The following FOLH1 variants were observed in gnomAD, a reference collection of about 807,000 sequenced individuals.
FOLH1 encodes glutamate carboxypeptidase 2.
FOLH1 carries 54 observed loss-of-function variants against 93.9 expected under a neutral mutation model. The ratio of observed to expected loss-of-function variants is 0.57; its 90% CI spans 0.46 to 0.72. The LOEUF is 0.72. Among genes scored for constraint, FOLH1 ranks in the 30% least tolerant of loss-of-function variants. The pLI, the probability that FOLH1 is intolerant of heterozygous loss-of-function variation, is 0.00. For missense variants in FOLH1, 571 were observed against 892.5 expected (o/e 0.64, Z 4.59); for synonymous variants, 249 against 303.6 (o/e 0.82, Z 1.87).
intron 4 of FOLH1, among the ~76,000 whole-genome samples, chr11:49,187,490 C>T (rs908548817): frequency 3.3e-5 from 5 of 152,082 alleles, no homozygotes; most frequent in Non-Finnish European, 4.4e-5. Context: ...AAATTGTATA[C>T]AACTTTTATA....
intron 13 of FOLH1, among the ~76,000 whole-genome samples, chr11:49,161,815 T>A (rs572650492): frequency 6.6e-6 from 1 of 152,332 alleles, no homozygotes; most frequent in Admixed American, 6.5e-5. Context: ...TTAAGACAGG[T>A]CTGGTGGTAA....
In FOLH1 at chr11:49,208,595, A is replaced by C. The variant is rs996980815; in HGVS notation, c.-186T>G. The C allele has an allele frequency of 4.3e-6, 2 of 470,138 alleles. No homozygotes were observed. The highest frequency in any genetic ancestry group is 7.5e-6 in the Non-Finnish European group (2 of 265,718). 29.1% of individuals were successfully genotyped at this position (470,138 alleles called of 1,614,324 possible). Reference sequence around the variant, plus strand: ...TTCTCCACCACAGCAGTGTTTCTAGAGTGCACTGAACCAATCCGAGCGAGA... The same window carrying C: ...TTCTCCACCACAGCAGTGTTTCTAGCGTGCACTGAACCAATCCGAGCGAGA... On this transcript the variant is annotated 5_prime_UTR_variant, in exon 1 of 19. Coordinates refer to ENST00000256999, the MANE Select transcript of FOLH1 (RefSeq NM_004476.3).
chr11:49,205,404 C>T (rs567641242), intron 2 of FOLH1, among the ~76,000 whole-genome samples: 1 of 152,258 alleles, frequency 6.6e-6, no homozygotes, highest in South Asian at 2.1e-4. Context: ...TAAATATATG[C>T]TCTTTGACTT....
intron 13 of FOLH1, among the ~76,000 whole-genome samples, chr11:49,162,225 A>G (rs1429503922): frequency 1.3e-5 from 2 of 152,038 alleles, no homozygotes; most frequent in Non-Finnish European, 1.5e-5. Context: ...ATGTTTTCCA[A>G]GCTGGTTCCA....
intron 3 of FOLH1, among the ~76,000 whole-genome samples, chr11:49,198,286 C>A (rs1178248468): frequency 6.6e-6 from 1 of 151,986 alleles, no homozygotes; most frequent in Non-Finnish European, 1.5e-5. Context: ...TCGAGACCAT[C>A]CTGGCTAAAA....
At chr11:49,201,134 G>A (rs1178153222) in intron 2 of FOLH1, among the ~76,000 whole-genome samples, 1 of 151,718 alleles carries the variant, frequency 6.6e-6, no homozygotes, top group Non-Finnish European at 1.5e-5. Context: ...AGATTCTGGT[G>A]CTTTTGATTG....
chr11:49,199,874 G>C (rs1472822183), intron 3 of FOLH1, among the ~76,000 whole-genome samples: 2 of 151,304 alleles, frequency 1.3e-5, no homozygotes, highest in African/African-American at 4.9e-5. Context: ...TGGCACCACT[G>C]CACTCCAGCC....
intron 13 of FOLH1, among the ~76,000 whole-genome samples, chr11:49,162,040 T>C (rs1461305563): frequency 6.6e-6 from 1 of 152,212 alleles, no homozygotes; most frequent in Non-Finnish European, 1.5e-5. Flanking sequence ...GGCCTTTCCC[T>C]CTAGCTGCCT....
intron 3 of FOLH1, among the ~76,000 whole-genome samples, chr11:49,193,750 G>A (rs1227360496): frequency 1.3e-5 from 2 of 152,210 alleles, no homozygotes; most frequent in Non-Finnish European, 2.9e-5. Flanking sequence ...ATTTGGCTTT[G>A]CCTTAGATGG....
intron 6 of FOLH1, among the ~76,000 whole-genome samples, chr11:49,185,114 T>G (rs1861217142): frequency 6.6e-6 from 1 of 152,218 alleles, no homozygotes; most frequent in African/African-American, 2.4e-5. Context: ...ATGCATTTCC[T>G]GGGCCCTATA....
chr11:49,148,580 T>G, intron 18 of FOLH1, 59 bp downstream of exon 18: 1 of 1,317,888 alleles, frequency 7.6e-7, no homozygotes, highest in Non-Finnish European at 1.0e-6. Flanking sequence ...GTGAAAAAAA[T>G]AAAAATAATT....
intron 13 of FOLH1, among the ~76,000 whole-genome samples, chr11:49,161,364 C>T (rs957849371): frequency 5.3e-5 from 8 of 152,082 alleles, no homozygotes; most frequent in African/African-American, 1.9e-4. Context: ...GAATTGAATC[C>T]TTTACCGTTA....
At chr11:49,158,969 T>G (rs1162162068) in intron 13 of FOLH1, among the ~76,000 whole-genome samples, 1 of 152,206 alleles carries the variant, frequency 6.6e-6, no homozygotes, top group Admixed American at 6.5e-5. Flanking sequence ...TAGCAATTTT[T>G]GTACATTGAT....
chr11:49,163,345 A>C (rs1857944463), intron 13 of FOLH1, among the ~76,000 whole-genome samples: 1 of 151,954 alleles, frequency 6.6e-6, no homozygotes, highest in Non-Finnish European at 1.5e-5. Context: ...TCTGCTTTAT[A>C]AGGAAGTCTG....
At position 49,171,252 on chromosome 11, in the gene FOLH1, C is replaced by T. The variant is rs1391084549; in HGVS notation, c.1251G>A (p.Leu417=). 18 of 1,584,068 alleles carry T rather than the reference C, an allele frequency of 1.1e-5. 1 individual carries two copies. The African/African-American group carries it at 1.3e-4, about 11-fold the overall frequency. Residue 417 remains leucine, a synonymous_variant, in exon 11 of 19, where the codon TTG becomes TTA. Transcript: ENST00000256999. ...KEGWRPRRTI[L]FASWDAEEFG... ...ATTCTTCTGCATCCCAGCTTGCAAA[C>T]AAAATTGTTCTTCTAGGTCTCCACC...
intron 1 of FOLH1, 78 bp downstream of exon 1, chr11:49,208,214 G>A: frequency 9.3e-7 from 1 of 1,072,092 alleles, no homozygotes; most frequent in Non-Finnish European, 1.3e-6. Flanking sequence ...GATCCCACTC[G>A]GCAGCTGACC....
At chr11:49,198,277 C>G (rs552110136) in intron 3 of FOLH1, among the ~76,000 whole-genome samples, 1 of 151,970 alleles carries the variant, frequency 6.6e-6, no homozygotes, top group South Asian at 2.1e-4. Flanking sequence ...GTCAGCAGAT[C>G]GAGACCATCC....
rs1861427445 is a variant in FOLH1 at position 49,186,731 on chromosome 11, G to A, written c.552C>T (p.Asp184=). 6.2e-7 allele frequency: 1 copy of A among 1,612,904 alleles called. No homozygotes were observed. Among genetic ancestry groups the A allele is most frequent in the African/African-American group, 1.3e-5 (1 of 74,874 alleles). Residue 184 remains aspartate, a synonymous_variant, in exon 5 of 19, where the codon GAC becomes GAT. Coordinates refer to ENST00000256999, the MANE Select transcript of FOLH1 (RefSeq NM_004476.3). ...LVYVNYARTE[D]FFKLERDMKI... The stretch of plus-strand genomic sequence containing the variant: ...TCATGTCCCGTTCCAATTTAAAGAA[G>A]TCTTCAGTTCGTGCATAGTTAACAT...
At chr11:49,194,451 T>G in intron 3 of FOLH1, among the ~76,000 whole-genome samples, 1 of 151,956 alleles carries the variant, frequency 6.6e-6, no homozygotes, top group East Asian at 1.9e-4. Context: ...TTTATCAAGT[T>G]TATGAAACAA....
Sources: allele counts gnomAD v4.1 joint callset (sites outside exome capture counted in the v4.1 genomes callset), GRCh38; gene constraint gnomAD v4.1.1; transcripts MANE v1.5; gene names NCBI Gene and HGNC (gene_info 2026-07-23, HGNC 2026-07-21).